MRPL42: variants seen among roughly 807,000 people sequenced by gnomAD.
MRPL42 encodes large ribosomal subunit protein mL42.
Under a neutral mutation model 17.9 loss-of-function variants are expected in MRPL42, and 17 were observed. The observed-to-expected ratio is 0.95, with a 90% CI of 0.65 to 1.42. The LOEUF is 1.42. Among genes scored for constraint, MRPL42 ranks in the 40% most tolerant of loss-of-function variants. MRPL42 has a pLI of 0.00. For synonymous variants in MRPL42, 59 were observed against 54.4 expected (o/e 1.08, Z -0.37); for missense variants, 177 against 175.2 (o/e 1.01, Z -0.06).
At chr12:93,496,643 T>TAAAAAAAAAA (rs35375116) in intron 5 of MRPL42, among the ~76,000 whole-genome samples, 1 of 70,716 alleles carries the variant, frequency 1.4e-5, no homozygotes, top group Non-Finnish European at 2.5e-5. Flanking sequence ...TCAGATTAGG[T>TAAAAAAAAAA]AAAAAAAAAA....
At chr12:93,471,879 T>C (rs1429325745) in intron 2 of MRPL42, among the ~76,000 whole-genome samples, 1 of 152,214 alleles carries the variant, frequency 6.6e-6, no homozygotes, top group African/African-American at 2.4e-5. Flanking sequence ...TAGATTCCTC[T>C]TTGCCTTGCA....
chr12:93,512,501 T>A lies in MRPL42; in HGVS notation c.*11280T>A, dbSNP rs967641786. On this transcript the variant is annotated 3_prime_UTR_variant, in exon 6 of 6. Coordinates refer to ENST00000549982, the MANE Select transcript of MRPL42 (RefSeq NM_014050.4). The stretch of plus-strand genomic sequence containing the variant: ...AAAGATATAAATTGGCCAGCTAGAG[T>A]TACCTGAAGTTACTATCTTCAATTA... 1.3e-5 allele frequency: 2 copies of A among 152,466 alleles called. No individual in the cohort carries two copies. Among genetic ancestry groups the A allele is most frequent in the African/African-American group, 4.8e-5 (2 of 41,434 alleles). The allele number at this position is 152,466 out of a possible 1,614,324, so 9.4% of individuals were successfully genotyped here.
intron 5 of MRPL42, among the ~76,000 whole-genome samples, chr12:93,489,368 C>T (rs138026300): frequency 1.3e-5 from 2 of 152,122 alleles, no homozygotes; most frequent in East Asian, 3.9e-4. Context: ...CCCATCATTT[C>T]CTGTCTTAAG....
Position 93,510,502 on chromosome 12 carries a change from G to T in MRPL42, c.*9281G>T, listed in dbSNP as rs181236230. 6.6e-6 allele frequency: 1 copy of T among 152,108 alleles called. No individual in the cohort carries two copies. Among genetic ancestry groups the T allele is most frequent in the Non-Finnish European group, 1.5e-5 (1 of 68,030 alleles). The allele number at this position is 152,108 out of a possible 1,614,324, so 9.4% of individuals were successfully genotyped here. On this transcript the variant is annotated 3_prime_UTR_variant, in exon 6 of 6. Coordinates refer to ENST00000549982, the MANE Select transcript of MRPL42 (RefSeq NM_014050.4). ...GGATTGAATGCTAAGAGAATGTTTC[G>T]TTTTGTAAAAAACCACCAAACTGTC...
intron 5 of MRPL42, among the ~76,000 whole-genome samples, chr12:93,496,348 C>T (rs1488762942): frequency 1.3e-5 from 2 of 152,046 alleles, no homozygotes; most frequent in Admixed American, 1.3e-4. Context: ...CATGAGCCAC[C>T]ACGCCCAGAC....
intron 4 of MRPL42, among the ~76,000 whole-genome samples, chr12:93,479,994 A>C (rs939398091): frequency 3.3e-5 from 5 of 151,658 alleles, no homozygotes; most frequent in African/African-American, 1.2e-4. Flanking sequence ...AAAGCCAAGT[A>C]CTAGATAGAA....
chr12:93,476,873 A>G (rs1171073283), intron 2 of MRPL42, 81 bp from the exon 3 acceptor site: 3 of 1,292,616 alleles, frequency 2.3e-6, no homozygotes, highest in African/African-American at 1.5e-5. Context: ...TGTTGGTTGA[A>G]TGAGTAAAAC....
At position 93,513,287 on chromosome 12, in the gene MRPL42, C is replaced by G. The variant is rs954354391; in HGVS notation, c.*12066C>G. The G allele has an allele frequency of 7.3e-6, 1 of 136,438 alleles. No homozygotes were observed. Among genetic ancestry groups the G allele is most frequent in the South Asian group, 2.3e-4 (1 of 4,378 alleles). 8.5% of individuals were successfully genotyped at this position (136,438 alleles called of 1,614,324 possible). ...CGTAGCTCACTGTAACCTTGAACTT[C>G]TGGGCTCAAGCAATCCTCTCACCTC... On this transcript the variant is annotated 3_prime_UTR_variant, in exon 6 of 6. Coordinates refer to ENST00000549982, the MANE Select transcript of MRPL42 (RefSeq NM_014050.4).
chr12:93,511,091 C>A lies in MRPL42; in HGVS notation c.*9870C>A, dbSNP rs1361614943. ...AAAAGCGATTCTGAATAAATGAAAA[C>A]CAATAGATTGTTCTAGTTTTACTCA... On this transcript the variant is annotated 3_prime_UTR_variant, in exon 6 of 6. Coordinates refer to ENST00000549982, the MANE Select transcript of MRPL42 (RefSeq NM_014050.4). The A allele has an allele frequency of 6.6e-6, 1 of 152,080 alleles. No individual in the cohort carries two copies. Among genetic ancestry groups the A allele is most frequent in the Non-Finnish European group, 1.5e-5 (1 of 68,000 alleles). The allele number at this position is 152,080 out of a possible 1,614,324, so 9.4% of individuals were successfully genotyped here. A position where few individuals can be genotyped will look rare whatever the true frequency, so the allele number is the denominator to read the frequency against.
At chr12:93,485,359 T>C (rs1880693075) in intron 4 of MRPL42, among the ~76,000 whole-genome samples, 1 of 151,716 alleles carries the variant, frequency 6.6e-6, no homozygotes, top group African/African-American at 2.4e-5. Context: ...AGACAGCGTC[T>C]CCAACTCCTG....
chr12:93,480,765 C>T (rs1220366586), intron 4 of MRPL42, among the ~76,000 whole-genome samples: 1 of 151,504 alleles, frequency 6.6e-6, no homozygotes, highest in African/African-American at 2.4e-5. Context: ...TGGTCTCGAT[C>T]TCTTGACCTC....
rs1233612306 is a variant in MRPL42 at position 93,514,586 on chromosome 12, T to A, written c.*13365T>A. ...GCACCTGGCCATTATTGGACAGTTTTAATGGAAAGTGTTTCCTTATATTGA... is the reference window on the plus strand; with the variant it reads ...GCACCTGGCCATTATTGGACAGTTTAAATGGAAAGTGTTTCCTTATATTGA... On this transcript the variant is annotated 3_prime_UTR_variant, in exon 6 of 6. Coordinates refer to ENST00000549982, the MANE Select transcript of MRPL42 (RefSeq NM_014050.4). The A allele has an allele frequency of 1.3e-5, 2 of 152,202 alleles. No homozygotes were observed. Among genetic ancestry groups the A allele is most frequent in the East Asian group, 3.8e-4 (2 of 5,196 alleles). 9.4% of individuals were successfully genotyped at this position (152,202 alleles called of 1,614,324 possible).
chr12:93,472,035 T>C (rs1408516245), intron 2 of MRPL42, among the ~76,000 whole-genome samples: 1 of 152,200 alleles, frequency 6.6e-6, no homozygotes, highest in East Asian at 1.9e-4. Context: ...TATATCTTTT[T>C]CCCCACTGGA....
At chr12:93,485,011 T>TGTACAC (rs1880664623) in intron 4 of MRPL42, among the ~76,000 whole-genome samples, 1 of 63,522 alleles carries the variant, frequency 1.6e-5, no homozygotes, top group African/African-American at 4.8e-5. Flanking sequence ...TATATATATA[T>TGTACAC]ATATATATAT....
chr12:93,487,550 G>C lies in MRPL42; in HGVS notation c.273G>C (p.Val91=). The change falls in exon 5 of 6, where the codon GTG becomes GTC. Residue 91 remains valine, a synonymous_variant. Coordinates refer to ENST00000549982, the MANE Select transcript of MRPL42 (RefSeq NM_014050.4). ...ATAATGAAGAAACACATGATCAAGT[G>C]CTGAAAACCAGATTGGAAGAAAAAG... ...VHNNEETHDQ[V]LKTRLEEKVE... 1 of 1,613,872 alleles carries C rather than the reference G, an allele frequency of 6.2e-7. No individual in the cohort carries two copies. Among genetic ancestry groups the C allele is most frequent in the Non-Finnish European group, 8.5e-7 (1 of 1,179,826 alleles).
At chr12:93,490,971 A>G (rs1268413314) in intron 5 of MRPL42, among the ~76,000 whole-genome samples, 2 of 152,052 alleles carry the variant, frequency 1.3e-5, no homozygotes, top group African/African-American at 4.8e-5. Flanking sequence ...GCTCACTGCA[A>G]CCTCCGCCTC....
intron 2 of MRPL42, among the ~76,000 whole-genome samples, chr12:93,471,823 A>G (rs1286405287): frequency 3.3e-5 from 5 of 152,212 alleles, no homozygotes; most frequent in African/African-American, 9.6e-5. Flanking sequence ...ATCTAGGAGC[A>G]TTTTTGTTGT....
chr12:93,479,240 C>G, intron 3 of MRPL42, 148 bp from the exon 4 acceptor site: 1 of 386,556 alleles, frequency 2.6e-6, no homozygotes, highest in Non-Finnish European at 4.6e-6. Context: ...ATTATTAGGC[C>G]GGGCACTAAT....
chr12:93,475,045 A>G (rs1450358271), intron 2 of MRPL42, among the ~76,000 whole-genome samples: 1 of 152,138 alleles, frequency 6.6e-6, no homozygotes, highest in Admixed American at 6.5e-5. Context: ...ATGAGCTGAG[A>G]TAGACAACTC....
Sources: gnomAD v4.1 joint callset for allele counts (sites outside exome capture counted in the v4.1 genomes callset) on GRCh38, gnomAD v4.1.1 for gene constraint, MANE v1.5 for transcripts, NCBI Gene and HGNC (gene_info 2026-07-23, HGNC 2026-07-21) for gene names.